WNT3A: variants seen among roughly 807,000 people sequenced by gnomAD.
WNT3A encodes the protein protein Wnt-3a.
In WNT3A, 17 loss-of-function variants were observed where a neutral mutation model predicts 37.0. The observed-to-expected ratio is 0.46, with a 90% CI of 0.31 to 0.69. The LOEUF is 0.69. Among genes scored for constraint, WNT3A ranks in the 30% least tolerant of loss-of-function variants. The probability of loss-of-function intolerance (pLI) is 0.05; values close to 1 mark genes in which losing one functional copy is unlikely to be tolerated. For synonymous variants in WNT3A, 187 were observed against 211.0 expected (o/e 0.89, Z 0.99); for missense variants, 411 against 510.2 (o/e 0.81, Z 1.87).
Position 228,031,335 on chromosome 1 carries a change from C to T in WNT3A, c.313+8427C>T, listed in dbSNP as rs764086540. 1.3e-5 allele frequency among the ~76,000 whole-genome samples: 2 copies of T among 152,132 alleles called. No homozygotes were observed. Among genetic ancestry groups the T allele is most frequent in the Non-Finnish European group, 2.9e-5 (2 of 68,028 alleles). On this transcript the variant is annotated intron_variant, in intron 2 of 3. Coordinates refer to ENST00000284523, the MANE Select transcript of WNT3A (RefSeq NM_033131.4). The surrounding 1 kb of genome is among the most constrained non-coding windows in gnomAD (Gnocchi z 4.8). ...GCTCACTTCCTGGAGCATCAGCCTC[C>T]CATTTATAAAGTGGAAGAATACTTA... is the stretch of plus-strand genomic sequence containing the variant.
chr1:228,019,424 T>C (rs2030623931), intron 1 of WNT3A, among the ~76,000 whole-genome samples: 1 of 152,232 alleles, frequency 6.6e-6, no homozygotes, highest in South Asian at 2.1e-4. Context: ...TTGTTTCTCC[T>C]CATTCTAAGT....
intron 1 of WNT3A, among the ~76,000 whole-genome samples, chr1:228,017,226 G>C (rs2030561309): frequency 6.6e-6 from 1 of 152,292 alleles, no homozygotes; most frequent in Non-Finnish European, 1.5e-5. Context: ...ACTAGAGCCC[G>C]TGGGGAGGTC....
Position 228,038,244 on chromosome 1 carries a change from G to A in WNT3A, c.314-12412G>A, listed in dbSNP as rs2102772540. On this transcript the variant is annotated intron_variant, in intron 2 of 3. Coordinates refer to ENST00000284523, the MANE Select transcript of WNT3A (RefSeq NM_033131.4). This position sits in a 1 kb window ranked among gnomAD's most constrained non-coding sequence, Gnocchi z 5.7. ...GGGGCCGCAGGAATGAGGGAAGGTG[G>A]GCAGCCCCCGAGGGGAGGCGCCCGG... is the stretch of plus-strand genomic sequence containing the variant. Among the ~76,000 whole-genome samples the A allele has an allele frequency of 6.6e-6, 1 of 152,174 alleles. No individual in the cohort carries two copies. The highest frequency in any genetic ancestry group is 1.9e-4 in the East Asian group (1 of 5,132).
At position 228,039,593 on chromosome 1, in the gene WNT3A, G is replaced by T. The variant is rs1303674132; in HGVS notation, c.314-11063G>T. On this transcript the variant is annotated intron_variant, in intron 2 of 3. Transcript: ENST00000284523. This position sits in a 1 kb window ranked among gnomAD's most constrained non-coding sequence, Gnocchi z 4.1. ...TGGTCACAGCCCAGAGGAGGGGTCA[G>T]CACGGAATGGAATCTGAGCTTGGGA... 6.6e-6 allele frequency among the ~76,000 whole-genome samples: 1 copy of T among 152,204 alleles called. No homozygotes were observed. The highest frequency in any genetic ancestry group is 2.4e-5 in the African/African-American group (1 of 41,448).
rs1425651353 is a variant in WNT3A, at chr1:228,059,152, C to T, written c.746C>T (p.Ser249Phe). The T allele has an allele frequency of 4.3e-6, 7 of 1,613,482 alleles. No homozygotes were observed. The Admixed American group carries it at 1.2e-4, about 27-fold the overall frequency. The change falls in exon 4 of 4, where the codon TCC (serine) becomes TTC (phenylalanine). Residue 249 changes from serine (S) to phenylalanine (F), a missense_variant. Transcript: ENST00000284523. Reference protein sequence around the residue: ...SEMVVEKHRESRGWVETLRPR... With the variant: ...SEMVVEKHREFRGWVETLRPR... ...ATGGTGGTGGAGAAGCACCGGGAGTCCCGCGGCTGGGTGGAGACCCTGCGG... is the reference window on the plus strand; with the variant it reads ...ATGGTGGTGGAGAAGCACCGGGAGTTCCGCGGCTGGGTGGAGACCCTGCGG...
intron 2 of WNT3A, among the ~76,000 whole-genome samples, chr1:228,035,641 A>T (rs1172471748): frequency 6.6e-6 from 1 of 152,204 alleles, no homozygotes; most frequent in Non-Finnish European, 1.5e-5. Context: ...TCTTGGATTA[A>T]TGCCGCAGGC....
At chr1:228,009,616 C>G (rs1026176080) in intron 1 of WNT3A, among the ~76,000 whole-genome samples, 1 of 152,172 alleles carries the variant, frequency 6.6e-6, no homozygotes, top group Non-Finnish European at 1.5e-5. Context: ...GCCCCCAGCC[C>G]CTCCCTAACA....
chr1:228,035,381 GC>G (rs1423234438), intron 2 of WNT3A, among the ~76,000 whole-genome samples: 1 of 152,208 alleles, frequency 6.6e-6, no homozygotes, highest in Non-Finnish European at 1.5e-5. Context: ...AGAGGGGACA[GC>G]CCATGCCAAG....
chr1:228,046,660 G>T (rs1228428504), intron 2 of WNT3A, among the ~76,000 whole-genome samples: 1 of 151,498 alleles, frequency 6.6e-6, no homozygotes, highest in Non-Finnish European at 1.5e-5. Context: ...GTGCATGTGT[G>T]GGGGGGATGT....
chr1:228,059,946 C>G lies in WNT3A; in HGVS notation c.*481C>G, dbSNP rs909818564. ...GGGCACGGCTCTGGGGTAGGCTGCT[C>G]CCTGAGGGCGGAGCGCCTCCTTAGG... On this transcript the variant is annotated 3_prime_UTR_variant, in exon 4 of 4. Transcript: ENST00000284523. The G allele has an allele frequency of 3.6e-6, 4 of 1,101,030 alleles. No individual in the cohort carries two copies. In the African/African-American group the frequency reaches 6.7e-5, roughly 18 times the overall value. The allele number at this position is 1,101,030 out of a possible 1,614,324, so 68.2% of individuals were successfully genotyped here.
chr1:228,049,334 C>G (rs190734577), intron 2 of WNT3A, among the ~76,000 whole-genome samples: 3 of 152,292 alleles, frequency 2.0e-5, no homozygotes, highest in East Asian at 3.9e-4. Flanking sequence ...GTTTTACCTG[C>G]CTTCGTTCAG....
intron 1 of WNT3A, among the ~76,000 whole-genome samples, chr1:228,010,223 C>A (rs1176235138): frequency 1.3e-5 from 2 of 152,236 alleles, no homozygotes; most frequent in African/African-American, 4.8e-5. Flanking sequence ...GGCACACCCG[C>A]ACTCCAGGGC....
intron 1 of WNT3A, among the ~76,000 whole-genome samples, chr1:228,017,012 C>A (rs1283890087): frequency 1.3e-5 from 2 of 152,218 alleles, no homozygotes; most frequent in Non-Finnish European, 2.9e-5. Context: ...GGAGGGGACA[C>A]ACATCCAAAC....
chr1:228,052,167 G>C (rs1043664269), intron 3 of WNT3A, among the ~76,000 whole-genome samples: 1 of 151,698 alleles, frequency 6.6e-6, no homozygotes, highest in Non-Finnish European at 1.5e-5. Flanking sequence ...TTTCTTTCTG[G>C]GGGGGTGGGG....
At chr1:228,048,348 G>A (rs1342171312) in intron 2 of WNT3A, among the ~76,000 whole-genome samples, 10 of 152,176 alleles carry the variant, frequency 6.6e-5, no homozygotes, top group Admixed American at 6.5e-4. Flanking sequence ...CTGCCCCAGG[G>A]CACACCTAGC....
intron 2 of WNT3A, among the ~76,000 whole-genome samples, chr1:228,044,232 T>C (rs570170155): frequency 1.8e-3 from 278 of 152,330 alleles, no homozygotes; most frequent in African/African-American, 6.4e-3. Context: ...TTTCAGACTT[T>C]CATAAACATC....
rs955005754 is a variant in WNT3A at position 228,050,554 on chromosome 1, G to A, written c.314-102G>A. ...TGCCTTATACACCACCCAACCTCAC[G>A]AGTTCCTTTATAACAATGCAAATGG... is the stretch of plus-strand genomic sequence containing the variant. On this transcript the variant is annotated intron_variant, in intron 2 of 3. Coordinates refer to ENST00000284523, the MANE Select transcript of WNT3A (RefSeq NM_033131.4). The surrounding 1 kb of genome is among the most constrained non-coding windows in gnomAD (Gnocchi z 5.0). 1.8e-5 allele frequency: 26 copies of A among 1,417,122 alleles called. No homozygotes were observed. Among genetic ancestry groups the A allele is most frequent in the Non-Finnish European group, 2.3e-5 (25 of 1,069,036 alleles). 87.8% of individuals were successfully genotyped at this position (1,417,122 alleles called of 1,614,324 possible). A position where few individuals can be genotyped will look rare whatever the true frequency, so the allele number is the denominator to read the frequency against.
intron 3 of WNT3A, among the ~76,000 whole-genome samples, chr1:228,055,178 AAATATATATATATATATAT>A (rs1247073862): frequency 5.7e-4 from 27 of 46,982 alleles, no homozygotes; most frequent in South Asian, 2.0e-3. Context: ...AAAAAAAAAA[AAATATATATATATATATAT>A]ATATATATAT....
At chr1:228,035,861 C>CT (rs1490964668) in intron 2 of WNT3A, among the ~76,000 whole-genome samples, 1 of 152,212 alleles carries the variant, frequency 6.6e-6, no homozygotes, top group Non-Finnish European at 1.5e-5. Flanking sequence ...TCTGATCCTA[C>CT]TACCCCCTTC....
Sources: allele counts gnomAD v4.1 joint callset (sites outside exome capture counted in the v4.1 genomes callset), GRCh38; gene constraint gnomAD v4.1.1; non-coding constraint Gnocchi (gnomAD v3.1); transcripts MANE v1.5; gene names NCBI Gene and HGNC (gene_info 2026-07-23, HGNC 2026-07-21).